Variants in LRRTM3 observed in about 807,000 individuals in gnomAD.
LRRTM3 encodes leucine rich repeat transmembrane neuronal 3.
LRRTM3 carries 24 observed loss-of-function variants against 44.7 expected under a neutral mutation model. The ratio of observed to expected loss-of-function variants is 0.54; its 90% CI spans 0.39 to 0.76. The LOEUF is 0.76. Among genes scored for constraint, LRRTM3 ranks in the 30% least tolerant of loss-of-function variants. The probability of loss-of-function intolerance (pLI) is 0.00; values close to 1 mark genes in which losing one functional copy is unlikely to be tolerated. For synonymous variants in LRRTM3, 277 were observed against 278.7 expected (o/e 0.99, Z 0.06); for missense variants, 587 against 702.2 (o/e 0.84, Z 1.85).
At chr10:67,000,308 A>G (rs777065062) in intron 2 of LRRTM3, among the ~76,000 whole-genome samples, 1 of 152,230 alleles carries the variant, frequency 6.6e-6, no homozygotes, top group Non-Finnish European at 1.5e-5. Flanking sequence ...TGATTGAGGT[A>G]AGAAAAGGCT....
intron 2 of LRRTM3, among the ~76,000 whole-genome samples, chr10:67,057,278 T>C (rs1855496139): frequency 6.6e-6 from 1 of 152,146 alleles, no homozygotes; most frequent in East Asian, 1.9e-4. Context: ...TGTGTGTGTG[T>C]GCTGAGAATA....
At chr10:66,996,649 C>CAAA (rs57025097) in intron 2 of LRRTM3, among the ~76,000 whole-genome samples, 3,676 of 67,512 alleles carry the variant, frequency 0.054, 510 homozygotes, top group Non-Finnish European at 0.065. Context: ...TCCGTCTCTA[C>CAAA]AAAAAAAAAA....
At chr10:67,088,771 C>G (rs1314499233) in intron 2 of LRRTM3, among the ~76,000 whole-genome samples, 1 of 151,946 alleles carries the variant, frequency 6.6e-6, no homozygotes, top group Admixed American at 6.6e-5. Context: ...TATTTTGTCT[C>G]TCATTATTCT....
chr10:66,936,330 T>A (rs930024476), intron 2 of LRRTM3, among the ~76,000 whole-genome samples: 7 of 151,872 alleles, frequency 4.6e-5, no homozygotes, highest in African/African-American at 9.7e-5. Context: ...AAAAAAAAAA[T>A]CCCAAATGAT....
intron 2 of LRRTM3, among the ~76,000 whole-genome samples, chr10:67,085,711 A>G (rs1411648216): frequency 6.6e-6 from 1 of 152,000 alleles, no homozygotes; most frequent in East Asian, 1.9e-4. Flanking sequence ...ATGTAAATAC[A>G]TAGACTTGGT....
chr10:66,992,104 C>T (rs963745235), intron 2 of LRRTM3, among the ~76,000 whole-genome samples: 2 of 152,150 alleles, frequency 1.3e-5, no homozygotes, highest in Non-Finnish European at 2.9e-5. Context: ...CCAAATTGCT[C>T]TCCAAAGAAC....
At chr10:67,013,223 T>A (rs1181761422) in intron 2 of LRRTM3, among the ~76,000 whole-genome samples, 2 of 151,644 alleles carry the variant, frequency 1.3e-5, no homozygotes. Context: ...GCATCTGGTG[T>A]CTGTCCTTAA....
chr10:67,097,200 C>G (rs1858051139), intron 2 of LRRTM3, among the ~76,000 whole-genome samples: 1 of 151,744 alleles, frequency 6.6e-6, no homozygotes, highest in African/African-American at 2.4e-5. Flanking sequence ...TCTATTGTAT[C>G]CTAACCAAAT....
At chr10:67,097,265 C>T (rs977577830) in intron 2 of LRRTM3, among the ~76,000 whole-genome samples, 12 of 151,912 alleles carry the variant, frequency 7.9e-5, no homozygotes, top group African/African-American at 1.7e-4. Flanking sequence ...GTTCTAAAAA[C>T]ACAATTATTT....
At chr10:67,083,430 G>GCCAC (rs1857146645) in intron 2 of LRRTM3, among the ~76,000 whole-genome samples, 1 of 151,534 alleles carries the variant, frequency 6.6e-6, no homozygotes, top group Non-Finnish European at 1.5e-5. Flanking sequence ...TATCTTCCTG[G>GCCAC]CCACCCCCAC....
intron 2 of LRRTM3, among the ~76,000 whole-genome samples, chr10:66,965,950 A>C (rs577418965): frequency 6.6e-6 from 1 of 152,168 alleles, no homozygotes; most frequent in Admixed American, 6.5e-5. Context: ...GCACTATATA[A>C]GTCTGGAGAG....
intron 2 of LRRTM3, among the ~76,000 whole-genome samples, chr10:67,095,411 C>G (rs1175346311): frequency 6.6e-6 from 1 of 151,664 alleles, no homozygotes; most frequent in African/African-American, 2.4e-5. Flanking sequence ...ACATATCCAA[C>G]AGTAAGAAAC....
intron 2 of LRRTM3, among the ~76,000 whole-genome samples, chr10:67,029,474 T>C (rs1289705851): frequency 1.3e-5 from 2 of 152,152 alleles, no homozygotes; most frequent in African/African-American, 4.8e-5. Flanking sequence ...AGGAAAAGCA[T>C]GATAACCGGT....
At chr10:67,000,159 C>T (rs1041552222) in intron 2 of LRRTM3, among the ~76,000 whole-genome samples, 5 of 152,112 alleles carry the variant, frequency 3.3e-5, no homozygotes, top group African/African-American at 1.2e-4. Context: ...GATCTGGTTT[C>T]CTGAAGACAG....
chr10:67,079,525 G>A (rs572970906), intron 2 of LRRTM3, among the ~76,000 whole-genome samples: 2 of 152,276 alleles, frequency 1.3e-5, no homozygotes, highest in East Asian at 3.9e-4. Flanking sequence ...TTAAGCATCT[G>A]TGTTATAATT....
At chr10:67,017,503 T>C (rs1309098862) in intron 2 of LRRTM3, among the ~76,000 whole-genome samples, 2 of 152,190 alleles carry the variant, frequency 1.3e-5, no homozygotes, top group Admixed American at 6.5e-5. Context: ...CTATCTTTTG[T>C]GTACCACACT....
intron 2 of LRRTM3, among the ~76,000 whole-genome samples, chr10:66,966,843 A>G (rs533887060): frequency 6.6e-6 from 1 of 152,228 alleles, no homozygotes; most frequent in Admixed American, 6.5e-5. Context: ...GTGTTACCCA[A>G]CATAGAACTA....
chr10:67,065,533 C>T (rs1856022627), intron 2 of LRRTM3, among the ~76,000 whole-genome samples: 1 of 151,946 alleles, frequency 6.6e-6, no homozygotes, highest in Admixed American at 6.6e-5. Flanking sequence ...TTCCTGGGCC[C>T]ACAGGAAGTA....
chr10:67,002,432 T>C (rs1382281664), intron 2 of LRRTM3, among the ~76,000 whole-genome samples: 5 of 152,162 alleles, frequency 3.3e-5, no homozygotes, highest in Non-Finnish European at 7.4e-5. Context: ...ATAGGAAAAG[T>C]AATGCTTTCT....
Sources: allele counts gnomAD v4.1 joint callset (sites outside exome capture counted in the v4.1 genomes callset), GRCh38; gene constraint gnomAD v4.1.1; transcripts MANE v1.5; gene names NCBI Gene and HGNC (gene_info 2026-07-23, HGNC 2026-07-21).